Variants in CDH4 observed in about 807,000 individuals in gnomAD.
The protein encoded by CDH4 is cadherin-4.
Under a neutral mutation model 86.0 loss-of-function variants are expected in CDH4, and 33 were observed. The ratio of observed to expected loss-of-function variants is 0.38; its 90% confidence interval spans 0.29 to 0.51. The LOEUF (loss-of-function observed/expected upper bound fraction) is 0.51. Ranked by LOEUF, CDH4 falls within the 20% of genes least tolerant of loss-of-function variation. The pLI, the probability that CDH4 is intolerant of heterozygous loss-of-function variation, is 0.86. For missense variants in CDH4, 1,114 were observed against 1,307.4 expected, an observed-to-expected ratio of 0.85 and a Z score of 2.28; for synonymous variants, 555 against 549.4, an observed-to-expected ratio of 1.01 and a Z score of -0.14.
rs538207396 is a variant in CDH4 at position 61,252,273 on chromosome 20, G to A, written c.-241G>A. On this transcript the variant is annotated 5_prime_UTR_variant, in exon 1 of 16. Coordinates refer to ENST00000614565, the MANE Select transcript of CDH4 (RefSeq NM_001794.5). This position sits in a 1 kb window ranked among gnomAD's most constrained non-coding sequence, Gnocchi z 4.4. Reference sequence around the variant, plus strand: ...GAGCGCGCGGAACAGAGGCGCGGGCGGCTGCGAGGCCGGCGGACGCACCGG... The same window carrying A: ...GAGCGCGCGGAACAGAGGCGCGGGCAGCTGCGAGGCCGGCGGACGCACCGG... 1.4e-3 allele frequency among the ~76,000 whole-genome samples: 200 copies of A among 147,054 alleles called. No homozygotes were observed. Among genetic ancestry groups the A allele is most frequent in the African/African-American group, 4.6e-3 (187 of 40,928 alleles).
At chr20:61,752,155 A>T (rs2088504850) in intron 3 of CDH4, among the ~76,000 whole-genome samples, 1 of 152,106 alleles carries the variant, frequency 6.6e-6, no homozygotes. Flanking sequence ...AACATGGTGA[A>T]ACCCTGTCTC....
At position 61,565,305 on chromosome 20, in the gene CDH4, TCTTGGTGGTGGC is replaced by T. The variant is rs1446191207; in HGVS notation, c.170-178257_170-178246del. ...GATGGGGTGATGGTGGTGGCGGTGCTCTTGGTGGTGGCGGTGCTCTTGGTGATGGTGGTAGTG... is the reference window on the plus strand; with the variant it reads ...GATGGGGTGATGGTGGTGGCGGTGCTGGTGCTCTTGGTGATGGTGGTAGTG... On this transcript the variant is annotated intron_variant, in intron 2 of 15. Coordinates refer to ENST00000614565, the MANE Select transcript of CDH4 (RefSeq NM_001794.5). Among the ~76,000 whole-genome samples the T allele has an allele frequency of 8.5e-4, 57 of 66,676 alleles. 7 individuals carry two copies. The highest frequency in any genetic ancestry group is 7.5e-4 in the African/African-American group (11 of 14,730). 43.7% of individuals were successfully genotyped at this position (66,676 alleles called of 152,430 possible).
At chr20:61,454,220 T>C (rs906928298) in intron 2 of CDH4, among the ~76,000 whole-genome samples, 1 of 152,162 alleles carries the variant, frequency 6.6e-6, no homozygotes, top group African/African-American at 2.4e-5. Context: ...TGGGATACAG[T>C]GGTGACCAAA....
chr20:61,921,252 G>A lies in CDH4; in HGVS notation c.1375-2199G>A, dbSNP rs1317154716. 8.2e-5 allele frequency among the ~76,000 whole-genome samples: 12 copies of A among 145,508 alleles called. No homozygotes were observed. The South Asian group carries it at 2.0e-3, about 24-fold the overall frequency. On this transcript the variant is annotated intron_variant, in intron 9 of 15. Transcript: ENST00000614565. ...TAATTGCATGGAAGCATGGTGTCACGGTGATTGCGTGGAAGCGTGGTGTCA... is the reference window on the plus strand; with the variant it reads ...TAATTGCATGGAAGCATGGTGTCACAGTGATTGCGTGGAAGCGTGGTGTCA...
chr20:61,329,364 C>T (rs62198852), intron 2 of CDH4, among the ~76,000 whole-genome samples: 4,166 of 134,110 alleles, frequency 0.031, 3 homozygotes, highest in Middle Eastern at 0.083. Flanking sequence ...GGGTCTGGGA[C>T]GCGGGTCGAG....
chr20:61,713,479 T>C (rs564671284), intron 2 of CDH4, among the ~76,000 whole-genome samples: 1 of 152,348 alleles, frequency 6.6e-6, no homozygotes, highest in Non-Finnish European at 1.5e-5. Context: ...TGGGGAAATC[T>C]TGGAATTCAT....
intron 2 of CDH4, among the ~76,000 whole-genome samples, chr20:61,638,490 G>A (rs1003998468): frequency 2.0e-5 from 3 of 152,110 alleles, no homozygotes; most frequent in Admixed American, 6.5e-5. Context: ...GAACTCTCTG[G>A]GGGGACACTT....
At chr20:61,319,324 C>A (rs1352741935) in intron 2 of CDH4, among the ~76,000 whole-genome samples, 1 of 151,998 alleles carries the variant, frequency 6.6e-6, no homozygotes, top group East Asian at 1.9e-4. Flanking sequence ...TAACATTTCC[C>A]AGGTCAGAGA....
intron 4 of CDH4, among the ~76,000 whole-genome samples, chr20:61,797,940 A>T (rs551441928): frequency 6.6e-6 from 1 of 152,306 alleles, no homozygotes; most frequent in South Asian, 2.1e-4. Context: ...TGCGGGCCTC[A>T]CGGGGCCCTG....
At chr20:61,913,261 G>A (rs1290291699) in intron 9 of CDH4, among the ~76,000 whole-genome samples, 1 of 152,186 alleles carries the variant, frequency 6.6e-6, no homozygotes, top group East Asian at 1.9e-4. Context: ...CGGTACCAAG[G>A]AAGAAGGCTG....
At chr20:61,357,558 C>A (rs1023411818) in intron 2 of CDH4, among the ~76,000 whole-genome samples, 5 of 152,166 alleles carry the variant, frequency 3.3e-5, no homozygotes, top group Admixed American at 2.6e-4. Flanking sequence ...GTTCCATATC[C>A]CCATTCCTAC....
At chr20:61,507,836 A>G (rs1054633508) in intron 2 of CDH4, among the ~76,000 whole-genome samples, 9 of 152,244 alleles carry the variant, frequency 5.9e-5, no homozygotes, top group African/African-American at 2.2e-4. Flanking sequence ...ATACTAAGGT[A>G]AGATGTAAAC....
rs1382367677 is a variant in CDH4, at chr20:61,684,324, CA to C, written c.170-59238del. 6.6e-6 allele frequency among the ~76,000 whole-genome samples: 1 copy of C among 152,156 alleles called. No homozygotes were observed. The highest frequency in any genetic ancestry group is 6.5e-5 in the Admixed American group (1 of 15,284). On this transcript the variant is annotated intron_variant, in intron 2 of 15. Transcript: ENST00000614565. This position sits in a 1 kb window ranked among gnomAD's most constrained non-coding sequence, Gnocchi z 4.5. Reference sequence around the variant, plus strand: ...ATGCGACTGAGCCCTGTGGGAAGAGCAGGGGGGCCGCCCAGCTAAGGAAGCA... The same window carrying C: ...ATGCGACTGAGCCCTGTGGGAAGAGCGGGGGGCCGCCCAGCTAAGGAAGCA...
intron 2 of CDH4, among the ~76,000 whole-genome samples, chr20:61,554,138 T>C (rs933406826): frequency 4.6e-5 from 7 of 152,208 alleles, no homozygotes; most frequent in African/African-American, 1.7e-4. Flanking sequence ...GAGGGTTTCA[T>C]TTGAAGACAG....
intron 2 of CDH4, among the ~76,000 whole-genome samples, chr20:61,620,308 A>C (rs899769473): frequency 6.7e-6 from 1 of 149,848 alleles, no homozygotes; most frequent in Non-Finnish European, 1.5e-5. Flanking sequence ...TGGTAGGTAG[A>C]TAGGTAGGTA....
At chr20:61,751,327 C>T (rs1365719016) in intron 3 of CDH4, among the ~76,000 whole-genome samples, 1 of 152,188 alleles carries the variant, frequency 6.6e-6, no homozygotes, top group East Asian at 1.9e-4. Context: ...CCAAATGTTC[C>T]CTGGGGGGCA....
rs371060684 is a variant in CDH4, at chr20:61,697,578, A to G, written c.170-45985A>G. On this transcript the variant is annotated intron_variant, in intron 2 of 15. Transcript: ENST00000614565. The stretch of plus-strand genomic sequence containing the variant: ...ACGCCACTGCACTCCAGCCTGGGCG[A>G]CAGAGCAAGACTCCATCTCGGGGCG... Among the ~76,000 whole-genome samples, 350 of 152,252 alleles carry G rather than the reference A, an allele frequency of 2.3e-3. 9 individuals are homozygous for G. In the South Asian group the frequency reaches 0.025, roughly 11 times the overall value.
At chr20:61,418,998 C>T (rs117633168) in intron 2 of CDH4, among the ~76,000 whole-genome samples, 1,539 of 152,310 alleles carry the variant, frequency 0.01, 18 homozygotes, top group Non-Finnish European at 0.017. Context: ...TTAGGACCTA[C>T]CCTCATCCAG....
chr20:61,383,821 G>A (rs150756298), intron 2 of CDH4, among the ~76,000 whole-genome samples: 2,514 of 83,876 alleles, frequency 0.03, 111 homozygotes, highest in African/African-American at 0.14. Context: ...ATATATATGC[G>A]TATATATGAA....
Sources: allele counts gnomAD v4.1 joint callset (sites outside exome capture counted in the v4.1 genomes callset), GRCh38; gene constraint gnomAD v4.1.1; non-coding constraint Gnocchi (gnomAD v3.1); transcripts MANE v1.5; gene names NCBI Gene and HGNC (gene_info 2026-07-23, HGNC 2026-07-21).